Variants in F5 observed in about 807,000 individuals in gnomAD.
The protein encoded by F5 is coagulation factor V.
Under a neutral mutation model 216.4 loss-of-function variants are expected in F5, and 138 were observed. The observed-to-expected ratio is 0.64, with a 90% CI of 0.56 to 0.73. The LOEUF is 0.73. Among genes scored for constraint, F5 ranks in the 30% least tolerant of loss-of-function variants. The pLI, the probability that F5 is intolerant of heterozygous loss-of-function variation, is 0.00. For synonymous variants in F5, 916 were observed against 930.7 expected, an observed-to-expected ratio of 0.98 and a Z score of 0.29; for missense variants, 2,403 against 2,674.0, an observed-to-expected ratio of 0.90 and a Z score of 2.24.
intron 13 of F5, among the ~76,000 whole-genome samples, chr1:169,539,831 A>G (rs951890857): frequency 6.6e-6 from 1 of 152,206 alleles, no homozygotes; most frequent in African/African-American, 2.4e-5. Flanking sequence ...GCAAAACTGA[A>G]TTGTAAATAT....
At chr1:169,561,615 A>G (rs1421381900) in intron 3 of F5, among the ~76,000 whole-genome samples, 2 of 152,140 alleles carry the variant, frequency 1.3e-5, no homozygotes, top group African/African-American at 2.4e-5. Context: ...AGTGGAATGA[A>G]CAGTTTCCTC....
chr1:169,536,100 T>C (rs1464436345), intron 14 of F5, among the ~76,000 whole-genome samples: 1 of 152,164 alleles, frequency 6.6e-6, no homozygotes, highest in African/African-American at 2.4e-5. Context: ...TTTAACTTCA[T>C]TTTATTTAAT....
intron 3 of F5, among the ~76,000 whole-genome samples, chr1:169,565,238 A>G (rs1660571443): frequency 6.6e-6 from 1 of 151,964 alleles, no homozygotes; most frequent in Non-Finnish European, 1.5e-5. Flanking sequence ...CTTTTACAGC[A>G]CCCATCACAA....
intron 11 of F5, 46 bp from the exon 12 acceptor site, chr1:169,544,554 AG>A: frequency 6.7e-7 from 1 of 1,490,868 alleles, no homozygotes; most frequent in South Asian, 1.1e-5. Flanking sequence ...TGCCAACAAA[AG>A]GGCATGTGTC....
chr1:169,544,354 G>A lies in F5; in HGVS notation c.1917C>T (p.Asp639=), dbSNP rs1305375108. The change falls in exon 12 of 25, where the codon GAC becomes GAT. Residue 639 remains aspartate, a synonymous_variant. Coordinates refer to ENST00000367797, the MANE Select transcript of F5 (RefSeq NM_000130.5). The part of the protein sequence containing the change: ...HSFIYGKRHE[D]TLTLFPMRGE... ...CACGCATGGGGAAGAGGGTCAAGGTGTCCTCATGCCTCTTTCCATAGATGA... is the reference window on the plus strand; with the variant it reads ...CACGCATGGGGAAGAGGGTCAAGGTATCCTCATGCCTCTTTCCATAGATGA... 1 of 1,614,110 alleles carries A rather than the reference G, an allele frequency of 6.2e-7. No homozygotes were observed. Among genetic ancestry groups the A allele is most frequent in the East Asian group, 2.2e-5 (1 of 44,880 alleles).
Position 169,541,103 on chromosome 1 carries a change from G to A in F5, c.3987C>T (p.Thr1329=), listed in dbSNP as rs766313707. 1.3e-6 allele frequency: 2 copies of A among 1,587,674 alleles called. No individual in the cohort carries two copies. Among genetic ancestry groups the A allele is most frequent in the East Asian group, 2.3e-5 (1 of 43,108 alleles). ...TTGTCTGGCTGAAGTCTAGAGAAAG[G>A]GTTGTATGGCTGAGGTCTGGAGAAA... ...MPISPDLSHT[T]LSLDFSQTNL... The change falls in exon 13 of 25, where the codon ACC becomes ACT. Residue 1329 remains threonine, a synonymous_variant. Coordinates refer to ENST00000367797, the MANE Select transcript of F5 (RefSeq NM_000130.5).
At chr1:169,574,235 T>A (rs1323100414) in intron 2 of F5, among the ~76,000 whole-genome samples, 5 of 151,620 alleles carry the variant, frequency 3.3e-5, no homozygotes, top group African/African-American at 1.2e-4. Flanking sequence ...TGTACTAGAA[T>A]TTCCAAAGTG....
At chr1:169,585,975 T>C (rs912212972) in intron 1 of F5, among the ~76,000 whole-genome samples, 2 of 152,110 alleles carry the variant, frequency 1.3e-5, no homozygotes, top group African/African-American at 4.8e-5. Context: ...GTATTGAAAA[T>C]AAACTTGAAA....
intron 16 of F5, among the ~76,000 whole-genome samples, chr1:169,528,942 G>T (rs909232226): frequency 1.7e-4 from 26 of 152,154 alleles, no homozygotes; most frequent in African/African-American, 6.0e-4. Context: ...ATTATATCAG[G>T]CGTGAGAACA....
rs146820916 is a variant in F5, at chr1:169,550,631, G to T, written c.1396+9C>A. The T allele has an allele frequency of 3.7e-6, 6 of 1,606,360 alleles. 1 individual carries two copies. The African/African-American group carries it at 6.7e-5, about 18-fold the overall frequency. ...CTAGTTGGATTCAGTAGAAGTGAAA[G>T]ATTCAAACCTGAGGTGAAAGAAGAG... On this transcript the variant is annotated intron_variant, in intron 9 of 24. Coordinates refer to ENST00000367797, the MANE Select transcript of F5 (RefSeq NM_000130.5).
At chr1:169,572,631 C>A (rs1395137907) in intron 2 of F5, among the ~76,000 whole-genome samples, 1 of 152,220 alleles carries the variant, frequency 6.6e-6, no homozygotes, top group East Asian at 1.9e-4. Context: ...GACCCACTGT[C>A]ATTCCTTAGC....
At chr1:169,527,844 G>A (rs866303140) in intron 17 of F5, 71 bp downstream of exon 17, 8 of 1,568,888 alleles carry the variant, frequency 5.1e-6, no homozygotes, top group Non-Finnish European at 7.0e-6. Flanking sequence ...AGGAAGAAAT[G>A]AGAAGGAGTT....
In F5 at chr1:169,517,703, A is replaced by C. The variant is rs1659191379; in HGVS notation, c.6345+709T>G. 2.0e-5 allele frequency among the ~76,000 whole-genome samples: 3 copies of C among 152,154 alleles called. No homozygotes were observed. The South Asian group carries it at 6.2e-4, about 32-fold the overall frequency. On this transcript the variant is annotated intron_variant, in intron 23 of 24. Coordinates refer to ENST00000367797, the MANE Select transcript of F5 (RefSeq NM_000130.5). ...ATCAGGGACAGTATAACTCTCTGGAAGGTGTTTGTTTAACTTAGATCACTG... is the reference window on the plus strand; with the variant it reads ...ATCAGGGACAGTATAACTCTCTGGACGGTGTTTGTTTAACTTAGATCACTG...
rs896778422 is a variant in F5, at chr1:169,559,193, T to G, written c.690A>C (p.Leu230=). 1 of 1,613,848 alleles carries G rather than the reference T, an allele frequency of 6.2e-7. No homozygotes were observed. The highest frequency in any genetic ancestry group is 8.5e-7 in the Non-Finnish European group (1 of 1,179,788). The change falls in exon 5 of 25, where the codon CTA becomes CTC. Residue 230 remains leucine, a synonymous_variant. Transcript: ENST00000367797. ...ESKSWSQSSS[L]MYTVNGYVNG... ...TCACATATCCATTGACTGTGTACATTAGGGATGATGACTGGCTCCAGCTCT... is the reference window on the plus strand; with the variant it reads ...TCACATATCCATTGACTGTGTACATGAGGGATGATGACTGGCTCCAGCTCT...
In F5 at chr1:169,556,635, G is replaced by GCA; in HGVS notation, c.952+10_952+11insTG. 6 of 1,612,436 alleles carry GCA rather than the reference G, an allele frequency of 3.7e-6. No homozygotes were observed. Among genetic ancestry groups the GCA allele is most frequent in the Non-Finnish European group, 5.1e-6 (6 of 1,178,530 alleles). On this transcript the variant is annotated intron_variant, in intron 6 of 24. Transcript: ENST00000367797. ...GCATTGAGAAGCAAGACTGTCAGGA[G>GCA]AGTTTCTTGCCTTGCAAATGTTTTG...
In F5 at chr1:169,550,794, TATAAG is replaced by T. The variant is rs2101826068; in HGVS notation, c.1297-60_1297-56del. 4 of 1,270,926 alleles carry T rather than the reference TATAAG, an allele frequency of 3.1e-6. No individual in the cohort carries two copies. In the South Asian group the frequency reaches 3.6e-5, roughly 11 times the overall value. 78.7% of individuals were successfully genotyped at this position (1,270,926 alleles called of 1,614,324 possible). ...ATTTAAGGTTGATCATGACAAATAA[TATAAG>T]ATACTAGCTTTGCATATTCACCTTT... is the stretch of plus-strand genomic sequence containing the variant. On this transcript the variant is annotated intron_variant, in intron 8 of 24. Transcript: ENST00000367797.
intron 16 of F5, among the ~76,000 whole-genome samples, chr1:169,528,952 A>G (rs778396174): frequency 6.6e-6 from 1 of 152,144 alleles, no homozygotes; most frequent in Non-Finnish European, 1.5e-5. Context: ...GCGTGAGAAC[A>G]CCTATCTACA....
rs1249107594 is a variant in F5, at chr1:169,586,278, C to G, written c.109G>C (p.Ala37Pro). ...EAAQLRQFYV[A>P]AQGISWSYRP... ...TAGCTCCAACTGATGCCCTGAGCAG[C>G]CACGTAGAACTGCCTTAGCTGTGCC... is the stretch of plus-strand genomic sequence containing the variant. The change falls in exon 1 of 25, where the codon GCT becomes CCT. Residue 37 changes from alanine to proline, a missense_variant. This residue lies in a region of F5 where 1,425 missense variants were observed against 1,554.8 expected (regional missense o/e 0.92). Coordinates refer to ENST00000367797, the MANE Select transcript of F5 (RefSeq NM_000130.5). 6.2e-7 allele frequency: 1 copy of G among 1,614,094 alleles called. No individual in the cohort carries two copies. Among genetic ancestry groups the G allele is most frequent in the Non-Finnish European group, 8.5e-7 (1 of 1,180,046 alleles).
At chr1:169,524,947 G>C (rs6014) in intron 18 of F5, 39 bp from the exon 19 acceptor site, 1 of 1,497,544 alleles carries the variant, frequency 6.7e-7, no homozygotes, top group Non-Finnish European at 9.3e-7. Context: ...TTTTTGCTTA[G>C]AAAATATATA....
Sources: allele counts gnomAD v4.1 joint callset (sites outside exome capture counted in the v4.1 genomes callset), GRCh38; gene constraint gnomAD v4.1.1; regional missense constraint gnomAD v4.1.1; transcripts MANE v1.5; gene names NCBI Gene and HGNC (gene_info 2026-07-23, HGNC 2026-07-21).